GNA12: variants seen among roughly 807,000 people sequenced by gnomAD.
GNA12 encodes the protein guanine nucleotide-binding protein subunit alpha-12.
In GNA12, 9 loss-of-function variants were observed where a neutral mutation model predicts 26.0. That is an observed-to-expected ratio of 0.35 (90% CI 0.21 to 0.60). The LOEUF (loss-of-function observed/expected upper bound fraction) is 0.60. Ranked by LOEUF, GNA12 falls within the 20% of genes least tolerant of loss-of-function variation. The pLI, the probability that GNA12 is intolerant of heterozygous loss-of-function variation, is 0.78. For missense variants in GNA12, 405 were observed against 525.8 expected (o/e 0.77, Z 2.25); for synonymous variants, 264 against 219.6 (o/e 1.20, Z -1.79).
At chr7:2,754,919 T>C (rs1791218732) in intron 2 of GNA12, among the ~76,000 whole-genome samples, 1 of 152,256 alleles carries the variant, frequency 6.6e-6, no homozygotes. Flanking sequence ...TTTAGAGTTC[T>C]GCGCTTTACA....
chr7:2,820,759 A>G (rs2115495222), intron 1 of GNA12, among the ~76,000 whole-genome samples: 1 of 152,294 alleles, frequency 6.6e-6, no homozygotes, highest in Middle Eastern at 3.4e-3. Context: ...TACTTTAGAG[A>G]CAGGATCTCA....
intron 1 of GNA12, among the ~76,000 whole-genome samples, chr7:2,832,694 T>G (rs1438271382): frequency 6.6e-6 from 1 of 152,180 alleles, no homozygotes; most frequent in Non-Finnish European, 1.5e-5. Flanking sequence ...GTTGGTGCTG[T>G]GGACTTCAGA....
intron 2 of GNA12, among the ~76,000 whole-genome samples, chr7:2,743,570 C>A (rs1390093106): frequency 6.6e-6 from 1 of 152,124 alleles, no homozygotes; most frequent in Non-Finnish European, 1.5e-5. Context: ...TCCAAGATGG[C>A]CGAATAGGAA....
Position 2,733,494 on chromosome 7 carries a change from G to T in GNA12, c.533C>A (p.Ser178Ter). The change falls in exon 3 of 4, where the codon TCG becomes TAG. Residue 178 changes from serine to a stop codon, truncating the protein, a stop_gained. Transcript: ENST00000275364. LOFTEE classifies it high-confidence loss of function. ...CAAGTTGTCCAGGAAGTACTTCACC[G>T]ACTCCCCCTGTCAGGAAGGAAGAAT... is the stretch of plus-strand genomic sequence containing the variant. Reference protein sequence around the residue: ...SRRSEFQLGESVKYFLDNLDR... With the variant: ...SRRSEFQLGE 6.2e-7 allele frequency: 1 copy of T among 1,613,204 alleles called. No homozygotes were observed. The highest frequency in any genetic ancestry group is 8.5e-7 in the Non-Finnish European group (1 of 1,179,292).
intron 1 of GNA12, among the ~76,000 whole-genome samples, chr7:2,812,165 A>G (rs1031588413): frequency 9.2e-5 from 14 of 152,264 alleles, no homozygotes; most frequent in Non-Finnish European, 1.9e-4. Flanking sequence ...TACTAATTCC[A>G]TGAAAAAAAC....
chr7:2,839,864 T>C (rs946851528), intron 1 of GNA12, among the ~76,000 whole-genome samples: 68 of 152,090 alleles, frequency 4.5e-4, no homozygotes, highest in African/African-American at 1.6e-3. Context: ...CTGGACGTGG[T>C]GGTGGGCGCC....
rs931932356 is a variant in GNA12, at chr7:2,730,108, T to C, written c.*1073A>G. On this transcript the variant is annotated 3_prime_UTR_variant, in exon 4 of 4. Transcript: ENST00000275364. Reference sequence around the variant, plus strand: ...AGAAACTCAAGATTCCTCCAGCGTCTGTGGGCTTCCCGAAAGGTCAGCTGT... The same window carrying C: ...AGAAACTCAAGATTCCTCCAGCGTCCGTGGGCTTCCCGAAAGGTCAGCTGT... The C allele has an allele frequency of 6.6e-6, 1 of 152,400 alleles. No homozygotes were observed. Among genetic ancestry groups the C allele is most frequent in the Non-Finnish European group, 1.5e-5 (1 of 68,076 alleles). The allele number at this position is 152,400 out of a possible 1,614,324, so 9.4% of individuals were successfully genotyped here.
intron 2 of GNA12, among the ~76,000 whole-genome samples, chr7:2,743,726 C>G (rs147281075): frequency 6.6e-6 from 1 of 152,176 alleles, no homozygotes; most frequent in African/African-American, 2.4e-5. Flanking sequence ...GGGCGAGGCA[C>G]TGCCTCACTC....
At chr7:2,836,094 T>C in intron 1 of GNA12, 1 of 235,986 alleles carries the variant, frequency 4.2e-6, no homozygotes, top group Middle Eastern at 1.7e-3. Flanking sequence ...AAGAATAAAC[T>C]AGAAAGTCTT....
intron 2 of GNA12, among the ~76,000 whole-genome samples, chr7:2,790,004 A>C (rs1321728868): frequency 6.6e-6 from 1 of 152,194 alleles, no homozygotes; most frequent in Non-Finnish European, 1.5e-5. Context: ...ACGTGCATGC[A>C]TACTCTTCTT....
chr7:2,828,762 A>G (rs1793538257), intron 1 of GNA12, among the ~76,000 whole-genome samples: 1 of 152,210 alleles, frequency 6.6e-6, no homozygotes, highest in Non-Finnish European at 1.5e-5. Flanking sequence ...CCCATATGAA[A>G]ATGGCCTGCT....
rs1793184275 is a variant in GNA12 at position 2,815,021 on chromosome 7, C to G, written c.310-19878G>C. On this transcript the variant is annotated intron_variant, in intron 1 of 3. Transcript: ENST00000275364. ...CAGGTCTAATCTCGCCCCTTCCACC[C>G]AATCCAGTCCCCTGTCAAAGCCACC... 7 of 1,515,126 alleles carry G rather than the reference C, an allele frequency of 4.6e-6. No individual in the cohort carries two copies. The Admixed American group carries it at 1.2e-4, about 26-fold the overall frequency. 93.9% of individuals were successfully genotyped at this position (1,515,126 alleles called of 1,614,324 possible).
intron 2 of GNA12, among the ~76,000 whole-genome samples, chr7:2,784,345 C>G (rs1020220209): frequency 6.6e-6 from 1 of 152,176 alleles, no homozygotes; most frequent in African/African-American, 2.4e-5. Context: ...GTCTTGAACT[C>G]TGGACTCAAG....
rs191627173 is a variant in GNA12 at position 2,754,378 on chromosome 7, A to G, written c.526-20877T>C. On this transcript the variant is annotated intron_variant, in intron 2 of 3. Coordinates refer to ENST00000275364, the MANE Select transcript of GNA12 (RefSeq NM_007353.3). Reference sequence around the variant, plus strand: ...TGAGAGTTCTGTTTTCTAGATAATGAGTCCTTTGTCGGATATGTAGTCAGC... The same window carrying G: ...TGAGAGTTCTGTTTTCTAGATAATGGGTCCTTTGTCGGATATGTAGTCAGC... Among the ~76,000 whole-genome samples the G allele has an allele frequency of 1.4e-3, 208 of 152,198 alleles. 2 individuals are homozygous for G. Among genetic ancestry groups the G allele is most frequent in the African/African-American group, 4.6e-3 (190 of 41,512 alleles).
intron 1 of GNA12, chr7:2,814,230 C>G: frequency 1.3e-6 from 1 of 787,908 alleles, no homozygotes; most frequent in Non-Finnish European, 2.3e-6. Flanking sequence ...ATCTATGTAT[C>G]CTGTTGGCTG....
chr7:2,788,289 G>A (rs996232876), intron 2 of GNA12, among the ~76,000 whole-genome samples: 1 of 152,228 alleles, frequency 6.6e-6, no homozygotes, highest in African/African-American at 2.4e-5. Context: ...CTGGCTGTGA[G>A]TCCACGCCGC....
intron 1 of GNA12, among the ~76,000 whole-genome samples, chr7:2,812,949 A>C (rs1010997059): frequency 3.3e-5 from 5 of 152,164 alleles, no homozygotes; most frequent in African/African-American, 4.8e-5. Flanking sequence ...CTTTAAAAAA[A>C]ATTTTATGTT....
chr7:2,822,978 T>C (rs1173791707), intron 1 of GNA12, among the ~76,000 whole-genome samples: 1 of 152,214 alleles, frequency 6.6e-6, no homozygotes, highest in East Asian at 1.9e-4. Flanking sequence ...TGGCCTCCCA[T>C]TACTGGAATT....
chr7:2,769,877 G>A (rs373383934), intron 2 of GNA12, among the ~76,000 whole-genome samples: 23 of 152,122 alleles, frequency 1.5e-4, no homozygotes, highest in African/African-American at 5.1e-4. Context: ...ATTATCAATT[G>A]AATTTTTTTC....
Sources: gnomAD v4.1 joint callset for allele counts (sites outside exome capture counted in the v4.1 genomes callset) on GRCh38, gnomAD v4.1.1 for gene constraint, MANE v1.5 for transcripts, NCBI Gene and HGNC (gene_info 2026-07-23, HGNC 2026-07-21) for gene names.